Variants in MAP3K4 observed in about 807,000 individuals in gnomAD.
MAP3K4 encodes the protein mitogen-activated protein kinase kinase kinase 4.
In MAP3K4, 67 loss-of-function variants were observed where a neutral mutation model predicts 185.6. The observed-to-expected ratio is 0.36, with a 90% CI of 0.30 to 0.44. MAP3K4 has a LOEUF of 0.44. Among genes scored for constraint, MAP3K4 ranks in the 20% least tolerant of loss-of-function variants. The pLI, the probability that MAP3K4 is intolerant of heterozygous loss-of-function variation, is 1.00. For missense variants in MAP3K4, 1,551 were observed against 1,995.1 expected, an observed-to-expected ratio of 0.78 and a Z score of 4.24; for synonymous variants, 702 against 710.4, an observed-to-expected ratio of 0.99 and a Z score of 0.19.
chr6:160,997,590 C>CAGCA (rs1180800787), intron 1 of MAP3K4, among the ~76,000 whole-genome samples: 4 of 152,182 alleles, frequency 2.6e-5, no homozygotes, highest in Admixed American at 2.0e-4. Context: ...CCGCTGTGTT[C>CAGCA]AGCAAGAACA....
rs113937299 is a variant in MAP3K4 at position 161,016,246 on chromosome 6, A to C, written c.153-18013A>C. Among the ~76,000 whole-genome samples the C allele has an allele frequency of 8.4e-3, 1,273 of 152,210 alleles. 20 individuals carry two copies. The highest frequency in any genetic ancestry group is 0.029 in the African/African-American group (1,216 of 41,534). On this transcript the variant is annotated intron_variant, in intron 1 of 26. Coordinates refer to ENST00000392142, the MANE Select transcript of MAP3K4 (RefSeq NM_005922.4). The stretch of plus-strand genomic sequence containing the variant: ...TTTAAGAGTTCTTTGTATATTCTTT[A>C]TATAAGTCTCTTATTAGATACATGA...
chr6:161,089,667 A>C (rs1303442263), intron 11 of MAP3K4, among the ~76,000 whole-genome samples, 196 bp downstream of exon 11: 1 of 152,224 alleles, frequency 6.6e-6, no homozygotes, highest in Non-Finnish European at 1.5e-5. Context: ...GTAGAACTTT[A>C]TAATTGGAAA....
In MAP3K4 at chr6:161,098,813, CATTTT is replaced by C. The variant is rs1281023470; in HGVS notation, c.3674+392_3674+396del. ...TCTAGTTAATGATCTGATGTGGTAACATTTTATTTTTTGGGAAGATCAGTTTTCTA... is the reference window on the plus strand; with the variant it reads ...TCTAGTTAATGATCTGATGTGGTAACATTTTTTGGGAAGATCAGTTTTCTA... On this transcript the variant is annotated intron_variant, in intron 17 of 26. Transcript: ENST00000392142. This position sits in a 1 kb window ranked among gnomAD's most constrained non-coding sequence, Gnocchi z 4.4. Among the ~76,000 whole-genome samples, 1 of 152,048 alleles carries C rather than the reference CATTTT, an allele frequency of 6.6e-6. No individual in the cohort carries two copies. Among genetic ancestry groups the C allele is most frequent in the Non-Finnish European group, 1.5e-5 (1 of 68,030 alleles).
Position 161,061,027 on chromosome 6 carries a change from G to T in MAP3K4, c.1708-9581G>T, listed in dbSNP as rs2114791588. ...AGCATTGTTCATTGCAGCAGAAATT[G>T]TGGCTGGTCATTGTTTTACTGTTTA... On this transcript the variant is annotated intron_variant, in intron 3 of 26. Coordinates refer to ENST00000392142, the MANE Select transcript of MAP3K4 (RefSeq NM_005922.4). This position sits in a 1 kb window ranked among gnomAD's most constrained non-coding sequence, Gnocchi z 4.2. Among the ~76,000 whole-genome samples, 1 of 152,328 alleles carries T rather than the reference G, an allele frequency of 6.6e-6. No individual in the cohort carries two copies. The highest frequency in any genetic ancestry group is 6.5e-5 in the Admixed American group (1 of 15,308).
chr6:161,110,172 A>G lies in MAP3K4; in HGVS notation c.4396+258A>G, dbSNP rs1778282133. On this transcript the variant is annotated intron_variant, in intron 23 of 26. Coordinates refer to ENST00000392142, the MANE Select transcript of MAP3K4 (RefSeq NM_005922.4). The surrounding 1 kb of genome is among the most constrained non-coding windows in gnomAD (Gnocchi z 4.8). ...TCCCAAAATGAAGTTTGCTATTTTT[A>G]TAAGCTGATTTGGCATAGCCCGTGT... Among the ~76,000 whole-genome samples the G allele has an allele frequency of 1.3e-5, 2 of 152,224 alleles. No homozygotes were observed. The highest frequency in any genetic ancestry group is 2.9e-5 in the Non-Finnish European group (2 of 68,044).
intron 2 of MAP3K4, among the ~76,000 whole-genome samples, chr6:161,039,899 C>T (rs1783369007): frequency 6.6e-6 from 1 of 152,154 alleles, no homozygotes; most frequent in African/African-American, 2.4e-5. Context: ...ACCATGTTCC[C>T]TATAGTGTGT....
rs1777617107 is a variant in MAP3K4 at position 161,097,313 on chromosome 6, G to C, written c.3524+137G>C. The C allele has an allele frequency of 4.7e-6, 3 of 635,760 alleles. No individual in the cohort carries two copies. In the Admixed American group the frequency reaches 8.8e-5, roughly 19 times the overall value. The allele number at this position is 635,760 out of a possible 1,614,324, so 39.4% of individuals were successfully genotyped here. A position where few individuals can be genotyped will look rare whatever the true frequency, so the allele number is the denominator to read the frequency against. On this transcript the variant is annotated intron_variant, in intron 16 of 26. Transcript: ENST00000392142. This position sits in a 1 kb window ranked among gnomAD's most constrained non-coding sequence, Gnocchi z 4.9. ...TGTTCGTACGTAAAAGCTCTTACTTGCATTATCTTGAAACCTTTAGTCGCA... is the reference window on the plus strand; with the variant it reads ...TGTTCGTACGTAAAAGCTCTTACTTCCATTATCTTGAAACCTTTAGTCGCA...
chr6:161,041,862 A>G lies in MAP3K4; in HGVS notation c.344-6754A>G, dbSNP rs545651766. Among the ~76,000 whole-genome samples the G allele has an allele frequency of 5.4e-5, 8 of 148,922 alleles. No individual in the cohort carries two copies. In the South Asian group the frequency reaches 1.7e-3, roughly 32 times the overall value. ...GACAGAAGGTGGACAGACTCCAACC[A>G]TGGACAGGCAGATGCTCTCAGGGAG... On this transcript the variant is annotated intron_variant, in intron 2 of 26. Coordinates refer to ENST00000392142, the MANE Select transcript of MAP3K4 (RefSeq NM_005922.4).
chr6:161,001,073 T>C (rs1781293175), intron 1 of MAP3K4, among the ~76,000 whole-genome samples: 1 of 127,036 alleles, frequency 7.9e-6, no homozygotes, highest in South Asian at 2.4e-4. Flanking sequence ...ATATTATATA[T>C]TATAATATAC....
Position 160,992,006 on chromosome 6 carries a change from G to T in MAP3K4, c.75G>T (p.Pro25=). 1 of 1,543,934 alleles carries T rather than the reference G, an allele frequency of 6.5e-7. No homozygotes were observed. The highest frequency in any genetic ancestry group is 8.7e-7 in the Non-Finnish European group (1 of 1,152,154). Residue 25 remains proline, a synonymous_variant, in exon 1 of 27, where the codon CCG becomes CCT. Coordinates refer to ENST00000392142, the MANE Select transcript of MAP3K4 (RefSeq NM_005922.4). ...AVTPAAAMEE[P]PPPPPPPPPP... is the part of the protein sequence containing the mutation. Reference sequence around the variant, plus strand: ...CGCCTGCCGCCGCCATGGAGGAGCCGCCGCCACCGCCGCCGCCGCCACCAC... The same window carrying T: ...CGCCTGCCGCCGCCATGGAGGAGCCTCCGCCACCGCCGCCGCCGCCACCAC...
chr6:161,052,017 G>A (rs1046819308), intron 3 of MAP3K4, among the ~76,000 whole-genome samples: 7 of 152,066 alleles, frequency 4.6e-5, no homozygotes, highest in African/African-American at 1.7e-4. Flanking sequence ...TTGATCTGCG[G>A]ATGCATATCC....
rs57592776 is a variant in MAP3K4, at chr6:161,049,601, G to A, written c.1329G>A (p.Glu443=). ...RPSKGNEPEY[E]GDDTEGELKE... ...CCAAAGGTAATGAGCCGGAGTATGA[G>A]GGTGATGACACAGAAGGAGAATTAA... Residue 443 remains glutamate (E), a synonymous_variant, in exon 3 of 27, where the codon GAG becomes GAA. Coordinates refer to ENST00000392142, the MANE Select transcript of MAP3K4 (RefSeq NM_005922.4). The surrounding 1 kb of genome is among the most constrained non-coding windows in gnomAD (Gnocchi z 8.4). The A allele has an allele frequency of 1.2e-6, 2 of 1,614,168 alleles. No homozygotes were observed. The highest frequency in any genetic ancestry group is 2.2e-5 in the South Asian group (2 of 91,080).
chr6:161,046,783 A>T (rs1783747245), intron 2 of MAP3K4, among the ~76,000 whole-genome samples: 1 of 151,032 alleles, frequency 6.6e-6, no homozygotes, highest in South Asian at 2.1e-4. Context: ...TTTGTAACCC[A>T]TGTAAATATA....
Position 161,110,105 on chromosome 6 carries a change from T to C in MAP3K4, c.4396+191T>C, listed in dbSNP as rs867482734. Among the ~76,000 whole-genome samples the C allele has an allele frequency of 4.6e-5, 7 of 152,136 alleles. No individual in the cohort carries two copies. The highest frequency in any genetic ancestry group is 2.1e-4 in the South Asian group (1 of 4,822). On this transcript the variant is annotated intron_variant, in intron 23 of 26. Coordinates refer to ENST00000392142, the MANE Select transcript of MAP3K4 (RefSeq NM_005922.4). The surrounding 1 kb of genome is among the most constrained non-coding windows in gnomAD (Gnocchi z 4.8). The stretch of plus-strand genomic sequence containing the variant: ...GAACTCATGTCTCTCTACCCAGGAG[T>C]CCGCTCTTTCTGTTCAACACTGCTT...
At chr6:161,009,135 C>G (rs920379577) in intron 1 of MAP3K4, among the ~76,000 whole-genome samples, 1 of 152,042 alleles carries the variant, frequency 6.6e-6, no homozygotes, top group African/African-American at 2.4e-5. Context: ...CAGGTGCGCG[C>G]CACCACGCCC....
At chr6:161,083,899 A>G (rs1785576467) in intron 6 of MAP3K4, among the ~76,000 whole-genome samples, 1 of 152,122 alleles carries the variant, frequency 6.6e-6, no homozygotes, top group South Asian at 2.1e-4. Context: ...ATCTGATATT[A>G]GTTCTGTGCT....
intron 1 of MAP3K4, among the ~76,000 whole-genome samples, chr6:161,006,621 T>C (rs901233825): frequency 6.6e-6 from 1 of 152,202 alleles, no homozygotes; most frequent in African/African-American, 2.4e-5. Context: ...GCTGTACTTA[T>C]CTGCGAGCCA....
At chr6:161,036,414 C>T (rs192113323) in intron 2 of MAP3K4, among the ~76,000 whole-genome samples, 1 of 152,082 alleles carries the variant, frequency 6.6e-6, no homozygotes, top group Non-Finnish European at 1.5e-5. Flanking sequence ...AAAATACAGA[C>T]AAAAGAATAA....
At position 161,096,521 on chromosome 6, in the gene MAP3K4, T is replaced by C. The variant is rs1162663667; in HGVS notation, c.3428-559T>C. 6.6e-6 allele frequency among the ~76,000 whole-genome samples: 1 copy of C among 152,120 alleles called. No homozygotes were observed. Among genetic ancestry groups the C allele is most frequent in the East Asian group, 1.9e-4 (1 of 5,202 alleles). ...TTTTAAATTTTATCTAGTTTTAAAT[T>C]TTTATTTTAAATTTTATTCATATTT... On this transcript the variant is annotated intron_variant, in intron 15 of 26. Transcript: ENST00000392142. The surrounding 1 kb of genome is among the most constrained non-coding windows in gnomAD (Gnocchi z 4.9).
Sources: gnomAD v4.1 joint callset for allele counts (sites outside exome capture counted in the v4.1 genomes callset) on GRCh38, gnomAD v4.1.1 for gene constraint, Gnocchi (gnomAD v3.1) non-coding constraint, MANE v1.5 for transcripts, NCBI Gene and HGNC (gene_info 2026-07-23, HGNC 2026-07-21) for gene names.